FARP1: variants seen among roughly 807,000 people sequenced by gnomAD.
FARP1 encodes FERM, ARHGEF and pleckstrin domain-containing protein 1.
FARP1 carries 52 observed loss-of-function variants against 128.8 expected under a neutral mutation model. The observed-to-expected ratio is 0.40, with a 90% CI of 0.32 to 0.51. The LOEUF (loss-of-function observed/expected upper bound fraction) is 0.51, where lower values mean the gene tolerates loss of function less well. Ranked by LOEUF, FARP1 falls within the 20% of genes least tolerant of loss-of-function variation. FARP1 has a pLI of 0.45. For missense variants in FARP1, 1,333 were observed against 1,367.9 expected, an observed-to-expected ratio of 0.97 and a Z score of 0.40; for synonymous variants, 580 against 551.8, an observed-to-expected ratio of 1.05 and a Z score of -0.72.
chr13:98,293,084 C>T (rs1885520363), intron 2 of FARP1, among the ~76,000 whole-genome samples: 1 of 152,040 alleles, frequency 6.6e-6, no homozygotes, highest in Non-Finnish European at 1.5e-5. Context: ...GGTATGTGAT[C>T]TGACTTTGAA....
At position 98,428,589 on chromosome 13, in the gene FARP1, G is replaced by C. The variant is rs573215006; in HGVS notation, c.1906-2454G>C. On this transcript the variant is annotated intron_variant, in intron 17 of 26. Transcript: ENST00000319562. ...GTTTCTCTATGGTTTGGAGAATGCA[G>C]TCCAAACTCTAAACCTAGTGAAGAA... Among the ~76,000 whole-genome samples the C allele has an allele frequency of 6.6e-5, 10 of 152,296 alleles. No individual in the cohort carries two copies. In the South Asian group the frequency reaches 2.1e-3, roughly 32 times the overall value.
intron 1 of FARP1, among the ~76,000 whole-genome samples, chr13:98,145,994 T>G (rs1224562722): frequency 1.3e-5 from 2 of 152,212 alleles, no homozygotes; most frequent in Admixed American, 6.5e-5. Flanking sequence ...TATACTCATT[T>G]AATTTATTGA....
chr13:98,304,158 G>A (rs1453599604), intron 2 of FARP1, among the ~76,000 whole-genome samples: 1 of 152,114 alleles, frequency 6.6e-6, no homozygotes, highest in Non-Finnish European at 1.5e-5. Context: ...TCATCTTGGT[G>A]TATGACATAG....
chr13:98,346,947 G>A (rs1231293697), intron 3 of FARP1, among the ~76,000 whole-genome samples: 2 of 152,162 alleles, frequency 1.3e-5, no homozygotes, highest in Non-Finnish European at 2.9e-5. Flanking sequence ...TTCAATAATA[G>A]TTACAGATGC....
chr13:98,417,454 TG>T lies in FARP1; in HGVS notation c.1826+5421del, dbSNP rs1190158429. On this transcript the variant is annotated intron_variant, in intron 16 of 26. Coordinates refer to ENST00000319562, the MANE Select transcript of FARP1 (RefSeq NM_005766.4). ...AAGGAAACAGAGGCCACCAGAGGTTTGAAAAAAAAAAAAAAAAAAAAAAAAA... is the reference window on the plus strand; with the variant it reads ...AAGGAAACAGAGGCCACCAGAGGTTTAAAAAAAAAAAAAAAAAAAAAAAAA... 1.4e-4 allele frequency among the ~76,000 whole-genome samples: 7 copies of T among 48,720 alleles called. No homozygotes were observed. In the East Asian group the frequency reaches 2.0e-3, roughly 14 times the overall value. 32.0% of individuals were successfully genotyped at this position (48,720 alleles called of 152,430 possible).
chr13:98,258,043 G>A (rs997884201), intron 2 of FARP1, among the ~76,000 whole-genome samples: 2 of 151,984 alleles, frequency 1.3e-5, no homozygotes, highest in Non-Finnish European at 2.9e-5. Context: ...GCACGATCTT[G>A]GCTCACTGCA....
intron 2 of FARP1, among the ~76,000 whole-genome samples, chr13:98,309,838 C>T (rs1158248919): frequency 6.6e-6 from 1 of 152,186 alleles, no homozygotes; most frequent in Non-Finnish European, 1.5e-5. Context: ...ATTGTTTTCC[C>T]TTGTGACAAA....
rs146216220 is a variant in FARP1, at chr13:98,341,349, G to A, written c.172-2413G>A. Among the ~76,000 whole-genome samples, 4 of 152,090 alleles carry A rather than the reference G, an allele frequency of 2.6e-5. 1 individual carries two copies. The highest frequency in any genetic ancestry group is 5.9e-5 in the Non-Finnish European group (4 of 67,952). On this transcript the variant is annotated intron_variant, in intron 2 of 26. Transcript: ENST00000319562. ...GGTGAGAAGTATAAAACAAGTAACT[G>A]TGGGCTGGGTGCAGTAGCTCACACC...
chr13:98,275,030 C>T (rs1884570078), intron 2 of FARP1, among the ~76,000 whole-genome samples: 1 of 152,156 alleles, frequency 6.6e-6, no homozygotes, highest in African/African-American at 2.4e-5. Flanking sequence ...ATCTTGCCAT[C>T]CTTGAGTGAG....
chr13:98,359,790 GGT>G (rs1229300660), intron 3 of FARP1, among the ~76,000 whole-genome samples: 1 of 152,186 alleles, frequency 6.6e-6, no homozygotes, highest in East Asian at 1.9e-4. Flanking sequence ...ATGCCACCTA[GGT>G]GTGTGTAAGT....
chr13:98,364,727 A>G (rs1248280615), intron 3 of FARP1, among the ~76,000 whole-genome samples: 2 of 152,244 alleles, frequency 1.3e-5, no homozygotes, highest in Non-Finnish European at 2.9e-5. Flanking sequence ...CTCTTCCTTG[A>G]AAAGTTCGCT....
At chr13:98,424,509 AAC>A in intron 16 of FARP1, 61 bp from the exon 17 acceptor site, 1 of 1,041,250 alleles carries the variant, frequency 9.6e-7, no homozygotes, top group Non-Finnish European at 1.5e-6. Flanking sequence ...TGATATTTGT[AAC>A]CCAGGGCTGT....
At chr13:98,152,347 A>C (rs1442463853) in intron 1 of FARP1, among the ~76,000 whole-genome samples, 1 of 152,174 alleles carries the variant, frequency 6.6e-6, no homozygotes, top group East Asian at 1.9e-4. Context: ...CTCATTTAGC[A>C]AAAATTTTCC....
intron 2 of FARP1, among the ~76,000 whole-genome samples, chr13:98,246,385 G>A (rs1281789220): frequency 2.0e-5 from 3 of 151,906 alleles, no homozygotes; most frequent in Admixed American, 6.6e-5. Flanking sequence ...GAGCCACCGC[G>A]CCCAGCCCCG....
chr13:98,440,824 C>T lies in FARP1; in HGVS notation c.2784C>T (p.Ser928=). 6.2e-7 allele frequency: 1 copy of T among 1,607,896 alleles called. No individual in the cohort carries two copies. The highest frequency in any genetic ancestry group is 8.5e-7 in the Non-Finnish European group (1 of 1,177,996). ...CCAGCGTCTCCATGGTGGACTTCAG[C>T]ATCGCAGTGGAGGTACGCAGGGGCA... ...RNTSVSMVDF[S]IAVENQLSGN... The change falls in exon 24 of 27, where the codon AGC becomes AGT. Residue 928 remains serine (S), a synonymous_variant. Coordinates refer to ENST00000319562, the MANE Select transcript of FARP1 (RefSeq NM_005766.4).
chr13:98,209,170 G>A (rs1183793860), intron 1 of FARP1, among the ~76,000 whole-genome samples: 10 of 151,972 alleles, frequency 6.6e-5, no homozygotes, highest in Non-Finnish European at 1.3e-4. Flanking sequence ...CACCATGCCC[G>A]GCTAATTTTT....
intron 1 of FARP1, among the ~76,000 whole-genome samples, chr13:98,165,118 G>A (rs867658955): frequency 2.4e-4 from 36 of 148,134 alleles, no homozygotes; most frequent in Middle Eastern, 6.8e-3. Flanking sequence ...TGGAGGCTGA[G>A]GCAAGAGAAT....
intron 1 of FARP1, among the ~76,000 whole-genome samples, chr13:98,144,374 T>C (rs957777261): frequency 2.0e-5 from 3 of 152,194 alleles, no homozygotes; most frequent in African/African-American, 7.2e-5. Context: ...CCCTGGTATC[T>C]GATCAGTTCG....
At chr13:98,404,743 G>T (rs927608395) in intron 13 of FARP1, 1 of 152,200 alleles carries the variant, frequency 6.6e-6, no homozygotes, top group Admixed American at 6.5e-5. Context: ...ATAATTTTAT[G>T]TGGGGGAATA....
Sources: gnomAD v4.1 joint callset for allele counts (sites outside exome capture counted in the v4.1 genomes callset) on GRCh38, gnomAD v4.1.1 for gene constraint, MANE v1.5 for transcripts, NCBI Gene and HGNC (gene_info 2026-07-23, HGNC 2026-07-21) for gene names.